The following CDH12 variants were observed in gnomAD, a reference collection of about 807,000 sequenced individuals.
CDH12 encodes the protein cadherin-12.
A neutral mutation model predicts 74.1 loss-of-function variants in CDH12; 41 were observed. The observed-to-expected ratio is 0.55, with a 90% confidence interval of 0.43 to 0.72. The LOEUF (loss-of-function observed/expected upper bound fraction) is 0.72. CDH12 is among the 30% of genes least tolerant of loss of function. The pLI, the probability that CDH12 is intolerant of heterozygous loss-of-function variation, is 0.00. For synonymous variants in CDH12, 399 were observed against 355.0 expected, an observed-to-expected ratio of 1.12 and a Z score of -1.39; for missense variants, 945 against 977.2, an observed-to-expected ratio of 0.97 and a Z score of 0.44.
intron 3 of CDH12, among the ~76,000 whole-genome samples, chr5:22,344,450 A>C (rs370964426): frequency 3.9e-5 from 6 of 152,314 alleles, no homozygotes; most frequent in Admixed American, 2.6e-4. Context: ...AAAATCCATA[A>C]GTAAATTAAT....
Position 22,219,180 on chromosome 5 carries a change from C to T in CDH12, c.-332-6537G>A, listed in dbSNP as rs756949959. Among the ~76,000 whole-genome samples the T allele has an allele frequency of 2.2e-4, 34 of 151,720 alleles. No homozygotes were observed. The East Asian group carries it at 2.5e-3, about 11-fold the overall frequency. On this transcript the variant is annotated intron_variant, in intron 3 of 14. Coordinates refer to ENST00000382254, the MANE Select transcript of CDH12 (RefSeq NM_004061.5). ...AGCCTATCTTCAGCATCTATGACAC[C>T]GCAGGTGACAATAAATTACGAGAAA...
chr5:22,717,543 A>T (rs1321368978), intron 1 of CDH12, among the ~76,000 whole-genome samples: 1 of 152,190 alleles, frequency 6.6e-6, no homozygotes, highest in Non-Finnish European at 1.5e-5. Flanking sequence ...CAAGTGGAGT[A>T]TATTTTCTAC....
intron 3 of CDH12, among the ~76,000 whole-genome samples, chr5:22,401,148 C>T (rs528626274): frequency 7.2e-5 from 11 of 152,282 alleles, no homozygotes; most frequent in African/African-American, 2.6e-4. Flanking sequence ...ACAACTATTT[C>T]AACTTTTTCT....
intron 1 of CDH12, among the ~76,000 whole-genome samples, chr5:22,757,271 T>C (rs1245817200): frequency 6.6e-6 from 1 of 152,210 alleles, no homozygotes; most frequent in Middle Eastern, 3.2e-3. Context: ...ATTTATGGTG[T>C]TTAAATGTTT....
At chr5:21,936,575 G>A (rs1021112653) in intron 6 of CDH12, among the ~76,000 whole-genome samples, 12 of 152,102 alleles carry the variant, frequency 7.9e-5, no homozygotes, top group African/African-American at 2.4e-4. Flanking sequence ...CTGTCATAGA[G>A]GTAAGAATAT....
intron 5 of CDH12, among the ~76,000 whole-genome samples, chr5:22,073,831 A>T (rs1402328417): frequency 5.3e-5 from 8 of 151,624 alleles, no homozygotes; most frequent in African/African-American, 1.7e-4. Flanking sequence ...AAATTTCTAC[A>T]TGAATACATT....
intron 5 of CDH12, among the ~76,000 whole-genome samples, chr5:22,045,712 A>C (rs1040444021): frequency 6.6e-6 from 1 of 152,066 alleles, no homozygotes; most frequent in Non-Finnish European, 1.5e-5. Context: ...ATCCTGCATG[A>C]TCTCACTCAT....
rs139413302 is a variant in CDH12 at position 21,853,528 on chromosome 5, G to T, written c.646+1143C>A. On this transcript the variant is annotated intron_variant, in intron 7 of 14. Transcript: ENST00000382254. ...ATAAGAAATTAAGAGAGAATGGCAGGTTCAGTTGACAAAAAGTTTTGCAGA... is the reference window on the plus strand; with the variant it reads ...ATAAGAAATTAAGAGAGAATGGCAGTTTCAGTTGACAAAAAGTTTTGCAGA... 4.8e-3 allele frequency among the ~76,000 whole-genome samples: 726 copies of T among 151,682 alleles called. 9 individuals carry two copies. Among genetic ancestry groups the T allele is most frequent in the African/African-American group, 0.017 (699 of 41,474 alleles).
chr5:22,838,828 G>C (rs754031610), intron 1 of CDH12, among the ~76,000 whole-genome samples: 3 of 151,902 alleles, frequency 2.0e-5, no homozygotes, highest in Non-Finnish European at 2.9e-5. Context: ...ACAGGCACAC[G>C]CCACAATGCC....
intron 3 of CDH12, among the ~76,000 whole-genome samples, chr5:22,224,924 T>G (rs966720565): frequency 2.0e-5 from 3 of 151,944 alleles, no homozygotes; most frequent in Non-Finnish European, 4.4e-5. Flanking sequence ...TCTCTAAACT[T>G]TATATACATT....
At chr5:21,883,692 G>T (rs1370491626) in intron 6 of CDH12, 2 of 1,611,460 alleles carry the variant, frequency 1.2e-6, no homozygotes, top group Non-Finnish European at 1.7e-6. Context: ...GGCTCAACTT[G>T]AAAAACGTAT....
intron 3 of CDH12, among the ~76,000 whole-genome samples, chr5:22,351,959 C>A (rs1022776554): frequency 1.3e-5 from 2 of 152,060 alleles, no homozygotes; most frequent in Non-Finnish European, 2.9e-5. Flanking sequence ...GCAGTTAAAT[C>A]TTTGAGGAAA....
chr5:22,366,606 T>C (rs1741041044), intron 3 of CDH12, among the ~76,000 whole-genome samples: 1 of 152,188 alleles, frequency 6.6e-6, no homozygotes, highest in African/African-American at 2.4e-5. Context: ...AATGAATCAG[T>C]TCTGACTTTT....
chr5:22,152,822 T>C (rs1485136579), intron 4 of CDH12, among the ~76,000 whole-genome samples: 4 of 152,200 alleles, frequency 2.6e-5, no homozygotes, highest in Non-Finnish European at 5.9e-5. Flanking sequence ...CTCCTCTCTC[T>C]ACTTCTAGGA....
chr5:22,671,524 GC>G (rs1359516314), intron 1 of CDH12, among the ~76,000 whole-genome samples: 1 of 152,094 alleles, frequency 6.6e-6, no homozygotes, highest in African/African-American at 2.4e-5. Context: ...TCTACTAAAT[GC>G]AAGTAGTTTA....
At chr5:22,110,887 G>A (rs140306298) in intron 4 of CDH12, among the ~76,000 whole-genome samples, 281 of 152,214 alleles carry the variant, frequency 1.8e-3, no homozygotes, top group African/African-American at 6.5e-3. Flanking sequence ...GTCTCCCAAA[G>A]TTAGCTTGGC....
At chr5:22,096,768 CT>C (rs1174097934) in intron 4 of CDH12, among the ~76,000 whole-genome samples, 28 of 152,272 alleles carry the variant, frequency 1.8e-4, no homozygotes, top group African/African-American at 6.5e-4. Context: ...TTCATGGCCC[CT>C]TTAGCAGCAA....
At chr5:22,178,360 G>C (rs1749454446) in intron 4 of CDH12, among the ~76,000 whole-genome samples, 2 of 152,052 alleles carry the variant, frequency 1.3e-5, no homozygotes, top group Admixed American at 1.3e-4. Flanking sequence ...GGGGATATCA[G>C]ATATCCTCAA....
At chr5:22,800,803 A>AT (rs920275438) in intron 1 of CDH12, among the ~76,000 whole-genome samples, 8 of 152,096 alleles carry the variant, frequency 5.3e-5, no homozygotes, top group Non-Finnish European at 1.0e-4. Context: ...TAATATGTCA[A>AT]TTTTTTAGAT....
Sources: allele counts gnomAD v4.1 joint callset (sites outside exome capture counted in the v4.1 genomes callset), GRCh38; gene constraint gnomAD v4.1.1; transcripts MANE v1.5; gene names NCBI Gene and HGNC (gene_info 2026-07-23, HGNC 2026-07-21).